Variants in ATP11B observed in about 807,000 individuals in gnomAD.
ATP11B encodes the protein ATPase phospholipid transporting 11B (putative).
In ATP11B, 81 loss-of-function variants were observed where a neutral mutation model predicts 157.8. The ratio of observed to expected loss-of-function variants is 0.51; its 90% CI spans 0.43 to 0.62. ATP11B has a LOEUF of 0.62. Ranked by LOEUF, ATP11B falls within the 20% of genes least tolerant of loss-of-function variation. The pLI is 0.00. For synonymous variants in ATP11B, 451 were observed against 469.4 expected, an observed-to-expected ratio of 0.96 and a Z score of 0.51; for missense variants, 1,165 against 1,402.2, an observed-to-expected ratio of 0.83 and a Z score of 2.70.
chr3:182,855,814 TAGAG>T (rs1720351321), intron 10 of ATP11B, among the ~76,000 whole-genome samples: 1 of 152,140 alleles, frequency 6.6e-6, no homozygotes, highest in African/African-American at 2.4e-5. Context: ...CATTACCTGT[TAGAG>T]AGAAGCAAAT....
intron 1 of ATP11B, among the ~76,000 whole-genome samples, chr3:182,796,211 G>GTTTTTC: frequency 6.6e-6 from 1 of 152,054 alleles, no homozygotes; most frequent in Middle Eastern, 3.4e-3. Context: ...ATCCTTTTTT[G>GTTTTTC]TTTTTCTTTT....
At chr3:182,899,274 G>T (rs1723785677) in intron 28 of ATP11B, among the ~76,000 whole-genome samples, 1 of 150,496 alleles carries the variant, frequency 6.6e-6, no homozygotes, top group African/African-American at 2.4e-5. Context: ...TCCTCTCTCA[G>T]CCTTGTGAGC....
chr3:182,899,759 A>G (rs1183036053), intron 28 of ATP11B, among the ~76,000 whole-genome samples: 1 of 152,136 alleles, frequency 6.6e-6, no homozygotes, highest in East Asian at 1.9e-4. Flanking sequence ...GTGAAGATTA[A>G]ATGAAATAAT....
intron 1 of ATP11B, among the ~76,000 whole-genome samples, chr3:182,804,801 C>G (rs1220783894): frequency 6.6e-6 from 1 of 152,132 alleles, no homozygotes; most frequent in Non-Finnish European, 1.5e-5. Flanking sequence ...AACCTCAAGC[C>G]CCCAGCCTAA....
chr3:182,903,087 C>CT (rs1013026011), intron 28 of ATP11B, among the ~76,000 whole-genome samples: 2 of 152,012 alleles, frequency 1.3e-5, no homozygotes, highest in Non-Finnish European at 2.9e-5. Flanking sequence ...TATGTCTTAT[C>CT]TTTATCTCCA....
intron 1 of ATP11B, among the ~76,000 whole-genome samples, chr3:182,806,166 C>G (rs1428989040): frequency 1.3e-5 from 2 of 152,140 alleles, no homozygotes; most frequent in Non-Finnish European, 2.9e-5. Flanking sequence ...TACTTTAGCT[C>G]TACGTATTGG....
chr3:182,897,852 C>T (rs946605086), intron 27 of ATP11B, among the ~76,000 whole-genome samples: 3 of 151,974 alleles, frequency 2.0e-5, no homozygotes, highest in Admixed American at 6.6e-5. Context: ...AAGTAGTATG[C>T]ATCATCTTCA....
At chr3:182,876,797 A>C (rs1371420822) in intron 19 of ATP11B, among the ~76,000 whole-genome samples, 1 of 152,258 alleles carries the variant, frequency 6.6e-6, no homozygotes, top group African/African-American at 2.4e-5. Context: ...GCCCCACTTC[A>C]TAACAATGGG....
In ATP11B at chr3:182,884,759, T is replaced by A. The variant is rs781317337; in HGVS notation, c.2516T>A (p.Met839Lys). 4.4e-6 allele frequency: 7 copies of A among 1,591,450 alleles called. No individual in the cohort carries two copies. In the Admixed American group the frequency reaches 5.7e-5, roughly 13 times the overall value. Residue 839 changes from methionine to lysine, a missense_variant, in exon 22 of 30, where the codon ATG becomes AAG. Around this residue, in one of 4 missense-constraint regions of ATP11B, gnomAD observed 737 missense variants for 930.5 expected, o/e 0.79. Transcript: ENST00000323116. ...TTTGTCCCTTTTATTATAGGAATCA[T>A]GGGTAAAGAAGGAAGACAGGCTGCA... The part of the protein sequence containing the change: ...IQEAHVGIGI[M>K]GKEGRQAARN...
chr3:182,793,781 C>G lies in ATP11B; in HGVS notation c.22C>G (p.Gln8Glu). 1 of 1,401,068 alleles carries G rather than the reference C, an allele frequency of 7.1e-7. No individual in the cohort carries two copies. The highest frequency in any genetic ancestry group is 9.3e-7 in the Non-Finnish European group (1 of 1,071,186). The allele number at this position is 1,401,068 out of a possible 1,614,324, so 86.8% of individuals were successfully genotyped here. A position where few individuals can be genotyped will look rare whatever the true frequency, so the allele number is the denominator to read the frequency against. Reference protein sequence around the residue: MWRWIRQQLGFDPPHQSD... With the variant: MWRWIRQELGFDPPHQSD... ...GGGAATGTGGCGCTGGATCCGGCAG[C>G]AGCTGGTAGGTGCCCCCGCCCCTCC... is the stretch of plus-strand genomic sequence containing the variant. Residue 8 changes from glutamine to glutamate, a missense_variant, in exon 1 of 30, where the codon CAG becomes GAG. This residue lies in a region of ATP11B where 91 missense variants were observed against 95.8 expected (regional missense o/e 0.95). Coordinates refer to ENST00000323116, the MANE Select transcript of ATP11B (RefSeq NM_014616.3).
At chr3:182,892,901 A>G (rs1359077878) in intron 25 of ATP11B, among the ~76,000 whole-genome samples, 1 of 152,226 alleles carries the variant, frequency 6.6e-6, no homozygotes, top group Non-Finnish European at 1.5e-5. Flanking sequence ...CTCCTTAATG[A>G]GTTGCCAGAG....
At chr3:182,887,516 A>T (rs1253045314) in intron 23 of ATP11B, 70 bp from the exon 24 acceptor site, 1 of 1,348,800 alleles carries the variant, frequency 7.4e-7, no homozygotes. Flanking sequence ...TTTAATATGC[A>T]TAGTTGTCAT....
intron 25 of ATP11B, among the ~76,000 whole-genome samples, chr3:182,896,010 C>T (rs1231922697): frequency 2.0e-5 from 3 of 152,154 alleles, no homozygotes; most frequent in African/African-American, 4.8e-5. Flanking sequence ...GCTTACAAAA[C>T]GATGCAGTTT....
chr3:182,838,638 G>A (rs1718751112), intron 7 of ATP11B, among the ~76,000 whole-genome samples: 1 of 151,836 alleles, frequency 6.6e-6, no homozygotes, highest in South Asian at 2.1e-4. Flanking sequence ...TTATTGTTTA[G>A]CATCTGTGTG....
At position 182,884,910 on chromosome 3, in the gene ATP11B, G is replaced by C. The variant is rs1560112741; in HGVS notation, c.2655+12G>C. On this transcript the variant is annotated intron_variant, in intron 22 of 29. Coordinates refer to ENST00000323116, the MANE Select transcript of ATP11B (RefSeq NM_014616.3). The stretch of plus-strand genomic sequence containing the variant: ...ATTTTTTTTATAAGGTGAGTTTCAT[G>C]TATTTAGAATCAATTATTGATATAG... The C allele has an allele frequency of 6.8e-6, 9 of 1,322,270 alleles. No individual in the cohort carries two copies. Among genetic ancestry groups the C allele is most frequent in the East Asian group, 2.4e-5 (1 of 40,990 alleles). The allele number at this position is 1,322,270 out of a possible 1,614,324, so 81.9% of individuals were successfully genotyped here.
At chr3:182,915,495 C>T (rs1725077543) in intron 29 of ATP11B, 3 of 984,338 alleles carry the variant, frequency 3.0e-6, no homozygotes, top group Admixed American at 6.2e-5. Context: ...AATAACATAG[C>T]TTCATTGCAC....
intron 19 of ATP11B, among the ~76,000 whole-genome samples, chr3:182,875,125 G>A (rs1560105644): frequency 6.6e-6 from 1 of 152,112 alleles, no homozygotes; most frequent in African/African-American, 2.4e-5. Flanking sequence ...GGCAAATGAT[G>A]CCCCATTTAA....
chr3:182,912,964 A>T (rs1438514778), intron 28 of ATP11B, among the ~76,000 whole-genome samples: 1 of 152,120 alleles, frequency 6.6e-6, no homozygotes, highest in Non-Finnish European at 1.5e-5. Flanking sequence ...AAACAAAACC[A>T]GGGTTGGGAT....
chr3:182,888,854 AT>A (rs1170937602), intron 24 of ATP11B, among the ~76,000 whole-genome samples: 4 of 132,144 alleles, frequency 3.0e-5, no homozygotes, highest in African/African-American at 5.8e-5. Context: ...AGCCTATCAT[AT>A]TTCTTTTTTT....
Sources: allele counts gnomAD v4.1 joint callset (sites outside exome capture counted in the v4.1 genomes callset), GRCh38; gene constraint gnomAD v4.1.1; regional missense constraint gnomAD v4.1.1; transcripts MANE v1.5; gene names NCBI Gene and HGNC (gene_info 2026-07-23, HGNC 2026-07-21).